Variants in CNTLN observed in about 807,000 individuals in gnomAD.
CNTLN encodes centlein, centrosomal protein.
A neutral mutation model predicts 180.0 loss-of-function variants in CNTLN; 212 were observed. The observed-to-expected ratio is 1.18, with a 90% CI of 1.05 to 1.32. The LOEUF (loss-of-function observed/expected upper bound fraction) is 1.32, where lower values mean the gene tolerates loss of function less well. Among genes scored for constraint, CNTLN ranks in the 40% most tolerant of loss-of-function variants. CNTLN has a pLI of 0.00. For synonymous variants in CNTLN, 722 were observed against 563.1 expected (o/e 1.28, Z -3.99); for missense variants, 2,095 against 1,610.9 (o/e 1.30, Z -5.14).
chr9:17,191,461 C>G (rs1193918404), intron 2 of CNTLN, among the ~76,000 whole-genome samples: 1 of 152,214 alleles, frequency 6.6e-6, no homozygotes, highest in Non-Finnish European at 1.5e-5. Flanking sequence ...CCCTGGGAAA[C>G]TTGACACACA....
chr9:17,274,722 A>G (rs1828199834), intron 6 of CNTLN, among the ~76,000 whole-genome samples: 1 of 152,108 alleles, frequency 6.6e-6, no homozygotes, highest in Non-Finnish European at 1.5e-5. Context: ...CCATTCTGGT[A>G]CACATTGGGT....
chr9:17,146,238 C>A (rs997751622), intron 2 of CNTLN, among the ~76,000 whole-genome samples: 1 of 152,140 alleles, frequency 6.6e-6, no homozygotes, highest in Admixed American at 6.5e-5. Context: ...TTTGTTTTAG[C>A]ACTCTGTTAG....
intron 2 of CNTLN, among the ~76,000 whole-genome samples, chr9:17,175,943 C>T (rs375557831): frequency 9.2e-5 from 14 of 151,798 alleles, no homozygotes; most frequent in African/African-American, 2.7e-4. Flanking sequence ...TAAGGATTTC[C>T]GTGTGCACTT....
intron 18 of CNTLN, chr9:17,448,419 T>G (rs1409180678): frequency 6.6e-6 from 1 of 152,192 alleles, no homozygotes; most frequent in Non-Finnish European, 1.5e-5. Flanking sequence ...CAGATCTTTG[T>G]TTTTAAGAAT....
chr9:17,366,871 A>C (rs1375055911), intron 13 of CNTLN, among the ~76,000 whole-genome samples, 154 bp downstream of exon 13: 1 of 152,242 alleles, frequency 6.6e-6, no homozygotes, highest in Non-Finnish European at 1.5e-5. Context: ...CATCCTGAGA[A>C]AATTAAATAA....
At chr9:17,441,480 C>T (rs1247743783) in intron 18 of CNTLN, among the ~76,000 whole-genome samples, 1 of 151,276 alleles carries the variant, frequency 6.6e-6, no homozygotes, top group Non-Finnish European at 1.5e-5. Context: ...TTGTTATGAG[C>T]TTAAAAGATT....
At position 17,340,923 on chromosome 9, in the gene CNTLN, A is replaced by C; in HGVS notation, c.1741A>C (p.Lys581Gln). ...TNYRAVKEQL[K>Q]QWEEGSGMTE... Reference sequence around the variant, plus strand: ...CTACAGAGCAGTAAAAGAGCAATTAAAACAGTGGGAAGAAGGCAGTGGCAT... The same window carrying C: ...CTACAGAGCAGTAAAAGAGCAATTACAACAGTGGGAAGAAGGCAGTGGCAT... The change falls in exon 11 of 26, where the codon AAA becomes CAA. Residue 581 changes from lysine (K) to glutamine (Q), a missense_variant. Transcript: ENST00000380647. The C allele has an allele frequency of 1.9e-6, 3 of 1,611,060 alleles. No individual in the cohort carries two copies. Among genetic ancestry groups the C allele is most frequent in the Non-Finnish European group, 1.7e-6 (2 of 1,178,464 alleles).
At chr9:17,170,558 T>G (rs1345730251) in intron 2 of CNTLN, among the ~76,000 whole-genome samples, 1 of 152,128 alleles carries the variant, frequency 6.6e-6, no homozygotes, top group Non-Finnish European at 1.5e-5. Context: ...TGTTTTTCAG[T>G]TCACAGATTC....
chr9:17,414,152 A>G (rs989410053), intron 16 of CNTLN, among the ~76,000 whole-genome samples: 1 of 152,144 alleles, frequency 6.6e-6, no homozygotes, highest in Non-Finnish European at 1.5e-5. Context: ...TTTAAGTGGA[A>G]TTTCAAGGTC....
At chr9:17,486,395 C>T (rs1005118950) in intron 24 of CNTLN, among the ~76,000 whole-genome samples, 9 of 151,948 alleles carry the variant, frequency 5.9e-5, no homozygotes, top group East Asian at 5.8e-4. Context: ...ATCAACTGTA[C>T]GTGTGAATAC....
chr9:17,235,618 G>GA, intron 3 of CNTLN, 40 bp from the exon 4 acceptor site: 1 of 1,433,784 alleles, frequency 7.0e-7, no homozygotes, highest in East Asian at 2.5e-5. Flanking sequence ...GTTTTTCTTA[G>GA]AAATAAAAGC....
intron 23 of CNTLN, among the ~76,000 whole-genome samples, chr9:17,467,405 A>G (rs1831812355): frequency 6.6e-6 from 1 of 151,672 alleles, no homozygotes. Flanking sequence ...GAAGAGCCCT[A>G]GAAAGCCTTC....
chr9:17,334,453 A>G lies in CNTLN; in HGVS notation c.1644+1723A>G, dbSNP rs180844593. ...CACACACACACACACACACAGAACAATTATTTACTATATTTATATAATTCC... is the reference window on the plus strand; with the variant it reads ...CACACACACACACACACACAGAACAGTTATTTACTATATTTATATAATTCC... On this transcript the variant is annotated intron_variant, in intron 10 of 25. Coordinates refer to ENST00000380647, the MANE Select transcript of CNTLN (RefSeq NM_017738.4). 3.0e-3 allele frequency among the ~76,000 whole-genome samples: 448 copies of G among 151,818 alleles called. 2 individuals are homozygous for G. Among genetic ancestry groups the G allele is most frequent in the African/African-American group, 0.01 (417 of 41,384 alleles).
chr9:17,178,133 G>A (rs1820848807), intron 2 of CNTLN, among the ~76,000 whole-genome samples: 3 of 151,550 alleles, frequency 2.0e-5, no homozygotes, highest in Admixed American at 6.6e-5. Flanking sequence ...CAATATCTTA[G>A]CTAGACATAA....
At chr9:17,397,429 A>G (rs565953207) in intron 15 of CNTLN, among the ~76,000 whole-genome samples, 35 of 152,314 alleles carry the variant, frequency 2.3e-4, no homozygotes, top group African/African-American at 7.5e-4. Flanking sequence ...TTTAGACCAT[A>G]TAGGGTAACT....
At chr9:17,453,990 G>C (rs1830963714) in intron 18 of CNTLN, among the ~76,000 whole-genome samples, 1 of 152,114 alleles carries the variant, frequency 6.6e-6, no homozygotes, top group African/African-American at 2.4e-5. Flanking sequence ...TACATCTACA[G>C]AATCCTCTTT....
At chr9:17,283,430 T>C (rs1019534298) in intron 6 of CNTLN, among the ~76,000 whole-genome samples, 1 of 152,162 alleles carries the variant, frequency 6.6e-6, no homozygotes, top group Non-Finnish European at 1.5e-5. Context: ...ATGCTTGTGA[T>C]TTTTGCAGTT....
At chr9:17,244,577 G>A (rs1481020399) in intron 5 of CNTLN, among the ~76,000 whole-genome samples, 1 of 151,884 alleles carries the variant, frequency 6.6e-6, no homozygotes, top group South Asian at 2.1e-4. Context: ...ATATATATAC[G>A]TGGAGAGTTT....
At chr9:17,210,676 A>G (rs929040629) in intron 2 of CNTLN, among the ~76,000 whole-genome samples, 1 of 152,336 alleles carries the variant, frequency 6.6e-6, no homozygotes, top group Middle Eastern at 3.4e-3. Context: ...AGTCCCACCA[A>G]TAGTGTAAAA....
Sources: gnomAD v4.1 joint callset for allele counts (sites outside exome capture counted in the v4.1 genomes callset) on GRCh38, gnomAD v4.1.1 for gene constraint, MANE v1.5 for transcripts, NCBI Gene and HGNC (gene_info 2026-07-23, HGNC 2026-07-21) for gene names.